The following TMEM50B variants were observed in gnomAD, a reference collection of about 807,000 sequenced individuals.
The protein encoded by TMEM50B is HCV p7-trans-regulated protein 3.
TMEM50B carries 14 observed loss-of-function variants against 23.4 expected under a neutral mutation model. The ratio of observed to expected loss-of-function variants is 0.60; its 90% CI spans 0.39 to 0.93. The LOEUF is 0.93. TMEM50B is among the 40% of genes least tolerant of loss of function. The pLI is 0.00. For synonymous variants in TMEM50B, 64 were observed against 62.3 expected (o/e 1.03, Z -0.13); for missense variants, 159 against 193.0 (o/e 0.82, Z 1.04).
At chr21:33,462,365 T>C (rs2084224549) in intron 4 of TMEM50B, among the ~76,000 whole-genome samples, 2 of 152,156 alleles carry the variant, frequency 1.3e-5, no homozygotes, top group East Asian at 1.9e-4. Flanking sequence ...TTAATTTTAA[T>C]AGAATAGGGA....
intron 5 of TMEM50B, among the ~76,000 whole-genome samples, chr21:33,457,651 CAAAA>C (rs11334898): frequency 5.7e-5 from 7 of 123,552 alleles, no homozygotes; most frequent in Admixed American, 1.6e-4. Context: ...AACTCCAACT[CAAAA>C]AAAAAAAAAA....
chr21:33,433,449 T>C (rs920678879), intron 8 of TMEM50B, among the ~76,000 whole-genome samples: 2 of 152,164 alleles, frequency 1.3e-5, no homozygotes, highest in African/African-American at 2.4e-5. Context: ...AGGAAGGGGA[T>C]TGTGACACAT....
rs1601122353 is a variant in TMEM50B, at chr21:33,460,649, G to C, written c.281-144C>G. ...ATATATTTATATAAATCTGCTGTAA[G>C]TTAAATGAATGATGATTTAAAAAAA... On this transcript the variant is annotated intron_variant, in intron 4 of 6. Transcript: ENST00000542230. 32 of 389,774 alleles carry C rather than the reference G, an allele frequency of 8.2e-5. 1 individual carries two copies. The South Asian group carries it at 2.7e-3, about 33-fold the overall frequency. 24.1% of individuals were successfully genotyped at this position (389,774 alleles called of 1,614,324 possible). A position where few individuals can be genotyped will look rare whatever the true frequency, so the allele number is the denominator to read the frequency against.
chr21:33,461,456 T>C lies in TMEM50B; in HGVS notation c.281-951A>G, dbSNP rs78923622. Among the ~76,000 whole-genome samples the C allele has an allele frequency of 8.6e-3, 1,309 of 152,262 alleles. 28 individuals carry two copies. The highest frequency in any genetic ancestry group is 0.03 in the African/African-American group (1,262 of 41,536). ...TTTAGTTCTTTGGAGAAATACAATC[T>C]CTAAATTATATTCAATCATAGCTTT... On this transcript the variant is annotated intron_variant, in intron 4 of 6. Transcript: ENST00000542230.
chr21:33,445,579 G>C (rs1198912772), downstream of TMEM50B, among the ~76,000 whole-genome samples: 2 of 152,260 alleles, frequency 1.3e-5, no homozygotes, highest in Non-Finnish European at 2.9e-5. Context: ...CGGATCGCTT[G>C]AGGTTAGAAG....
intron 1 of TMEM50B, among the ~76,000 whole-genome samples, chr21:33,477,346 ATG>A (rs2084383048): frequency 6.6e-6 from 1 of 152,000 alleles, no homozygotes; most frequent in African/African-American, 2.4e-5. Flanking sequence ...TATGAAGGAA[ATG>A]TGTCCTTATA....
In TMEM50B at chr21:33,458,907, C is replaced by A. The variant is rs541397146; in HGVS notation, c.373+1506G>T. Among the ~76,000 whole-genome samples, 71 of 152,286 alleles carry A rather than the reference C, an allele frequency of 4.7e-4. No individual in the cohort carries two copies. In the South Asian group the frequency reaches 0.014, roughly 31 times the overall value. On this transcript the variant is annotated intron_variant, in intron 5 of 6. Coordinates refer to ENST00000542230, the MANE Select transcript of TMEM50B (RefSeq NM_006134.7). ...CAACCACTGTCCTCTTGTAATCTGA[C>A]TTATTTTGTATCAAGTGAAAGACAA...
chr21:33,476,777 AAAC>A (rs2084376920), intron 1 of TMEM50B, among the ~76,000 whole-genome samples: 1 of 151,560 alleles, frequency 6.6e-6, no homozygotes, highest in Admixed American at 6.6e-5. Context: ...AAAAAAAAAA[AAAC>A]AACTTTAAGT....
chr21:33,453,173 T>A (rs2084138016), intron 6 of TMEM50B, among the ~76,000 whole-genome samples: 1 of 151,778 alleles, frequency 6.6e-6, no homozygotes, highest in African/African-American at 2.4e-5. Flanking sequence ...CACTGCAACC[T>A]CAGCCTCCCG....
chr21:33,451,740 G>A lies in TMEM50B; in HGVS notation c.432-877C>T, dbSNP rs571595022. ...GGATATACGGTTTAGGCCTGGAAAG[G>A]GACATCTGTGACTCACTGGCATATA... On this transcript the variant is annotated intron_variant, in intron 6 of 6. Transcript: ENST00000542230. Among the ~76,000 whole-genome samples the A allele has an allele frequency of 5.4e-4, 82 of 152,194 alleles. 2 individuals are homozygous for A. The highest frequency in any genetic ancestry group is 2.1e-3 in the Admixed American group (32 of 15,276).
At chr21:33,475,093 A>G (rs1288342029) in intron 1 of TMEM50B, among the ~76,000 whole-genome samples, 2 of 151,112 alleles carry the variant, frequency 1.3e-5, no homozygotes, top group Non-Finnish European at 2.9e-5. Flanking sequence ...CGACCGGCTA[A>G]TTTTTATATT....
At chr21:33,440,073 T>C (rs574564090) in intron 7 of TMEM50B, among the ~76,000 whole-genome samples, 108 of 152,098 alleles carry the variant, frequency 7.1e-4, no homozygotes, top group African/African-American at 2.5e-3. Context: ...GCTAAGTACA[T>C]TGTCAAAATT....
downstream of TMEM50B, among the ~76,000 whole-genome samples, chr21:33,446,029 C>T (rs1421560747): frequency 1.3e-5 from 2 of 151,968 alleles, no homozygotes; most frequent in Admixed American, 6.6e-5. Flanking sequence ...CTAGTAACAA[C>T]GCAATTGGAA....
chr21:33,450,875 G>A lies in TMEM50B; in HGVS notation c.432-12C>T, dbSNP rs1210807325. The stretch of plus-strand genomic sequence containing the variant: ...TGTAGATCAGAGTGCTAGAAAGATA[G>A]GAAAACAAATCATGAGGAAAAAACC... On this transcript the variant is annotated splice_polypyrimidine_tract_variant and intron_variant, in intron 6 of 6. Transcript: ENST00000542230. 6.2e-7 allele frequency: 1 copy of A among 1,610,388 alleles called. No homozygotes were observed. Among genetic ancestry groups the A allele is most frequent in the Admixed American group, 1.7e-5 (1 of 59,378 alleles).
At chr21:33,460,664 A>C (rs2084209393) in intron 4 of TMEM50B, among the ~76,000 whole-genome samples, 159 bp from the exon 5 acceptor site, 1 of 95,062 alleles carries the variant, frequency 1.1e-5, no homozygotes, top group Non-Finnish European at 1.9e-5. Context: ...ATGAATGATG[A>C]TTTAAAAAAA....
chr21:33,456,504 C>A (rs555821125), intron 5 of TMEM50B, among the ~76,000 whole-genome samples: 1 of 152,312 alleles, frequency 6.6e-6, no homozygotes, highest in South Asian at 2.1e-4. Context: ...ATGGAAACTA[C>A]TTAAATTTTT....
chr21:33,453,090 T>TTATTTATTTATG (rs1165063055), intron 6 of TMEM50B, among the ~76,000 whole-genome samples: 1 of 149,906 alleles, frequency 6.7e-6, no homozygotes, highest in African/African-American at 2.4e-5. Context: ...GAGATTAATT[T>TTATTTATTTATG]TATTTATTTA....
intron 8 of TMEM50B, among the ~76,000 whole-genome samples, chr21:33,439,041 CT>C (rs1198684168): frequency 6.6e-6 from 1 of 152,032 alleles, no homozygotes; most frequent in East Asian, 1.9e-4. Flanking sequence ...GTGGCTAACT[CT>C]CTTAAGTGTT....
intron 1 of TMEM50B, among the ~76,000 whole-genome samples, chr21:33,473,469 A>G (rs896442611): frequency 1.3e-5 from 2 of 151,544 alleles, no homozygotes; most frequent in African/African-American, 4.8e-5. Flanking sequence ...AAAAAAAAAA[A>G]AAAAAAAAAC....
Sources: allele counts gnomAD v4.1 joint callset (sites outside exome capture counted in the v4.1 genomes callset), GRCh38; gene constraint gnomAD v4.1.1; transcripts MANE v1.5; gene names NCBI Gene and HGNC (gene_info 2026-07-23, HGNC 2026-07-21).